Variants in CHD7 observed in about 807,000 individuals in gnomAD.
CHD7 encodes the protein ATP-dependent chromatin remodeler CHD7.
Under a neutral mutation model 307.3 loss-of-function variants are expected in CHD7, and 24 were observed. The ratio of observed to expected loss-of-function variants is 0.08; its 90% CI spans 0.06 to 0.11. The LOEUF (loss-of-function observed/expected upper bound fraction) is 0.11, where lower values mean the gene tolerates loss of function less well. CHD7 is among the 10% of genes least tolerant of loss of function. The probability of loss-of-function intolerance (pLI) is 1.00; values close to 1 mark genes in which losing one functional copy is unlikely to be tolerated. For synonymous variants in CHD7, 1,363 were observed against 1,349.9 expected (o/e 1.01, Z -0.21); for missense variants, 3,106 against 3,727.1 (o/e 0.83, Z 4.34).
intron 7 of CHD7, among the ~76,000 whole-genome samples, chr8:60,809,956 G>T (rs531370562): frequency 6.6e-6 from 1 of 152,072 alleles, no homozygotes; most frequent in Non-Finnish European, 1.5e-5. Flanking sequence ...TGATTGGTTG[G>T]GTTTTTACCG....
rs1804097354 is a variant in CHD7 at position 60,822,618 on chromosome 8, T to C, written c.3073T>C (p.Leu1025=). 1 of 1,613,914 alleles carries C rather than the reference T, an allele frequency of 6.2e-7. No individual in the cohort carries two copies. The highest frequency in any genetic ancestry group is 8.5e-7 in the Non-Finnish European group (1 of 1,179,798). Residue 1025 remains leucine (L), a synonymous_variant, in exon 12 of 38, where the codon TTG becomes CTG. Transcript: ENST00000423902. ...TGGCCCTTTTTTAGTAATTGCCCCA[T>C]TGTCCACAATCCCCAACTGGGAAAG... ...IHGPFLVIAP[L]STIPNWEREF... is the part of the protein sequence containing the mutation.
chr8:60,831,888 G>A (rs1175320702), intron 15 of CHD7, among the ~76,000 whole-genome samples: 2 of 151,898 alleles, frequency 1.3e-5, no homozygotes, highest in Admixed American at 6.6e-5. Flanking sequence ...GTAACTCATC[G>A]GCCACCCTAG....
chr8:60,687,351 T>C (rs999598473), intron 1 of CHD7, among the ~76,000 whole-genome samples: 2 of 152,232 alleles, frequency 1.3e-5, no homozygotes, highest in African/African-American at 4.8e-5. Context: ...TGTATGAGCC[T>C]AGCAATTATT....
At chr8:60,732,875 A>G (rs756310543) in intron 1 of CHD7, among the ~76,000 whole-genome samples, 4 of 152,092 alleles carry the variant, frequency 2.6e-5, no homozygotes, top group Non-Finnish European at 5.9e-5. Context: ...TCATTTACTT[A>G]TTTCTAGACC....
Position 60,741,360 on chromosome 8 carries a change from C to T in CHD7, c.-73C>T. The T allele has an allele frequency of 1.9e-6, 2 of 1,053,474 alleles. No homozygotes were observed. Among genetic ancestry groups the T allele is most frequent in the Non-Finnish European group, 2.8e-6 (2 of 722,138 alleles). 65.3% of individuals were successfully genotyped at this position (1,053,474 alleles called of 1,614,324 possible). A position where few individuals can be genotyped will look rare whatever the true frequency, so the allele number is the denominator to read the frequency against. ...AGTTAAGGATTATAGGCTTTGAGGG[C>T]AAACACCTCAGTGAAGTGAAGCACA... On this transcript the variant is annotated 5_prime_UTR_variant, in exon 2 of 38. Transcript: ENST00000423902.
In CHD7 at chr8:60,836,749, A is replaced by AT. The variant is rs1002956541; in HGVS notation, c.3990-66dup. Reference sequence around the variant, plus strand: ...ATATTCCATATTGTAATAATTAAAAATTAAAAAAAGGAGCAAGTATGTTGT... The same window carrying AT: ...ATATTCCATATTGTAATAATTAAAAATTTAAAAAAAGGAGCAAGTATGTTGT... On this transcript the variant is annotated intron_variant, in intron 16 of 37. Coordinates refer to ENST00000423902, the MANE Select transcript of CHD7 (RefSeq NM_017780.4). 21 of 1,162,256 alleles carry AT rather than the reference A, an allele frequency of 1.8e-5. No homozygotes were observed. The African/African-American group carries it at 2.7e-4, about 15-fold the overall frequency. 72.0% of individuals were successfully genotyped at this position (1,162,256 alleles called of 1,614,324 possible).
chr8:60,853,049 G>T lies in CHD7; in HGVS notation c.6324G>T (p.Gly2108=), dbSNP rs758994803. Reference sequence around the variant, plus strand: ...TGCTGGTTGGTGCTGCTAAACACGGGGTCAGTCGGACGGATTATCACATCC... The same window carrying T: ...TGCTGGTTGGTGCTGCTAAACACGGTGTCAGTCGGACGGATTATCACATCC... ...RDLLVGAAKH[G]VSRTDYHILN... is the part of the protein sequence containing the mutation. Residue 2108 remains glycine, a synonymous_variant, in exon 31 of 38, where the codon GGG becomes GGT. Coordinates refer to ENST00000423902, the MANE Select transcript of CHD7 (RefSeq NM_017780.4). 5 of 1,613,704 alleles carry T rather than the reference G, an allele frequency of 3.1e-6. No homozygotes were observed.
At chr8:60,710,028 A>G (rs192142890) in intron 1 of CHD7, among the ~76,000 whole-genome samples, 1 of 152,146 alleles carries the variant, frequency 6.6e-6, no homozygotes, top group East Asian at 1.9e-4. Context: ...TATTGCTTAT[A>G]ATACAAAAAT....
At chr8:60,854,707 A>G (rs138566052) in intron 32 of CHD7, among the ~76,000 whole-genome samples, 184 bp downstream of exon 32, 236 of 152,342 alleles carry the variant, frequency 1.5e-3, no homozygotes, top group African/African-American at 5.3e-3. Context: ...ATTGTAGAAC[A>G]CTTTTCTAAT....
chr8:60,762,100 T>A (rs904988890), intron 2 of CHD7, among the ~76,000 whole-genome samples: 31 of 152,210 alleles, frequency 2.0e-4, no homozygotes, highest in Non-Finnish European at 3.8e-4. Flanking sequence ...TTAGTCTGTG[T>A]CATCTCTTCA....
intron 1 of CHD7, among the ~76,000 whole-genome samples, chr8:60,707,184 C>T (rs1326997093): frequency 1.3e-5 from 2 of 152,142 alleles, no homozygotes; most frequent in Admixed American, 6.6e-5. Context: ...GTAAGAAACA[C>T]CTTTTGATGC....
chr8:60,686,688 G>A (rs1805912887), intron 1 of CHD7, among the ~76,000 whole-genome samples: 2 of 152,156 alleles, frequency 1.3e-5, no homozygotes, highest in Admixed American at 6.5e-5. Flanking sequence ...CACCCTTTGT[G>A]TAGGGAAAGG....
At position 60,853,314 on chromosome 8, in the gene CHD7, G is replaced by A. The variant is rs772379262; in HGVS notation, c.6589G>A (p.Asp2197Asn). 31 of 1,603,108 alleles carry A rather than the reference G, an allele frequency of 1.9e-5. No individual in the cohort carries two copies. Among genetic ancestry groups the A allele is most frequent in the Middle Eastern group, 1.7e-4 (1 of 6,016 alleles). Residue 2197 changes from aspartate (D) to asparagine (N), a missense_variant, in exon 31 of 38, where the codon GAT becomes AAT. Coordinates refer to ENST00000423902, the MANE Select transcript of CHD7 (RefSeq NM_017780.4). ...CEGKEEEEET[D>N]GSGKESKQEC... ...GGGCAAAGAAGAGGAAGAAGAAACC[G>A]ATGGCAGCGGGAAGGAGAGCAAGCA...
At chr8:60,689,965 G>T (rs1806113668) in intron 1 of CHD7, among the ~76,000 whole-genome samples, 1 of 152,120 alleles carries the variant, frequency 6.6e-6, no homozygotes, top group South Asian at 2.1e-4. Context: ...AAAAACTCAG[G>T]ATACCACTTG....
At chr8:60,771,135 G>C (rs995877003) in intron 2 of CHD7, among the ~76,000 whole-genome samples, 2 of 152,216 alleles carry the variant, frequency 1.3e-5, no homozygotes, top group African/African-American at 4.8e-5. Context: ...CTTTACAAAG[G>C]CTTAATGAAG....
In CHD7 at chr8:60,830,415, A is replaced by G. The variant is rs755429625; in HGVS notation, c.3616A>G (p.Ile1206Val). Residue 1206 changes from isoleucine to valine, a missense_variant, in exon 15 of 38, where the codon ATT becomes GTT. Physicochemically the swap from Ile to Val is conservative, Grantham distance 29 (BLOSUM62 3). Transcript: ENST00000423902. ...KNLAPKEETIIEVELTNIQKK... is the reference protein window; with the variant it reads ...KNLAPKEETIVEVELTNIQKK... ...CTTGGCCCCCAAAGAAGAAACTATT[A>G]TTGAAGTTGAGCTAACAAACATTCA... is the stretch of plus-strand genomic sequence containing the variant. The G allele has an allele frequency of 4.3e-6, 7 of 1,613,910 alleles. No individual in the cohort carries two copies. The highest frequency in any genetic ancestry group is 5.9e-6 in the Non-Finnish European group (7 of 1,179,882).
chr8:60,734,297 G>A (rs1026631612), intron 1 of CHD7, among the ~76,000 whole-genome samples: 1 of 152,210 alleles, frequency 6.6e-6, no homozygotes, highest in African/African-American at 2.4e-5. Context: ...TGGTGCAGGA[G>A]GTCTGAGGTG....
intron 1 of CHD7, among the ~76,000 whole-genome samples, chr8:60,727,632 A>G (rs1022485457): frequency 6.6e-6 from 1 of 152,074 alleles, no homozygotes; most frequent in Non-Finnish European, 1.5e-5. Flanking sequence ...GAGTGTTGAT[A>G]TTCTTCAGGA....
intron 7 of CHD7, among the ~76,000 whole-genome samples, chr8:60,811,796 C>T (rs978198685): frequency 3.9e-5 from 6 of 152,032 alleles, no homozygotes; most frequent in African/African-American, 7.2e-5. Flanking sequence ...ATGTTCCTGT[C>T]AACAAAGTAT....
Sources: allele counts gnomAD v4.1 joint callset (sites outside exome capture counted in the v4.1 genomes callset), GRCh38; gene constraint gnomAD v4.1.1; transcripts MANE v1.5; gene names NCBI Gene and HGNC (gene_info 2026-07-23, HGNC 2026-07-21).